MIOS: variants seen among roughly 807,000 people sequenced by gnomAD.
The protein encoded by MIOS is meiosis regulator for oocyte development.
MIOS carries 52 observed loss-of-function variants against 96.9 expected under a neutral mutation model. That is an observed-to-expected ratio of 0.54 (90% CI 0.43 to 0.68). The LOEUF is 0.68. MIOS is among the 30% of genes least tolerant of loss of function. The probability of loss-of-function intolerance (pLI) is 0.00; values close to 1 mark genes in which losing one functional copy is unlikely to be tolerated. For missense variants in MIOS, 1,005 were observed against 1,052.8 expected (o/e 0.95, Z 0.63); for synonymous variants, 397 against 359.5 (o/e 1.10, Z -1.18).
chr7:7,601,007 C>A (rs1487105250), intron 11 of MIOS, among the ~76,000 whole-genome samples: 2 of 152,152 alleles, frequency 1.3e-5, no homozygotes, highest in Non-Finnish European at 2.9e-5. Context: ...TAAAGATGTT[C>A]TTTGAAACCA....
chr7:7,596,067 G>T (rs950214983), intron 10 of MIOS, among the ~76,000 whole-genome samples, 190 bp from the exon 11 acceptor site: 10 of 152,088 alleles, frequency 6.6e-5, no homozygotes, highest in African/African-American at 2.4e-4. Flanking sequence ...TAAAAAGGAA[G>T]TACCCCAAAA....
intron 5 of MIOS, among the ~76,000 whole-genome samples, chr7:7,579,109 A>T (rs538064021): frequency 2.6e-5 from 4 of 152,190 alleles, no homozygotes; most frequent in Non-Finnish European, 5.9e-5. Context: ...CAAATTTAGG[A>T]GATAAAATTT....
Position 7,583,110 on chromosome 7 carries a change from G to GT in MIOS, c.1394-3dup, listed in dbSNP as rs768001355. 1.3e-6 allele frequency: 2 copies of GT among 1,597,600 alleles called. No individual in the cohort carries two copies. The highest frequency in any genetic ancestry group is 2.3e-5 in the South Asian group (2 of 88,152). ...ATAAAACAATATAAAAATGTTTTCT[G>GT]TTTTTAGGAATGGTGGAAAGCAGCA... On this transcript the variant is annotated splice_polypyrimidine_tract_variant and splice_region_variant and intron_variant, in intron 5 of 12. Coordinates refer to ENST00000340080, the MANE Select transcript of MIOS (RefSeq NM_019005.4).
chr7:7,596,329 G>A lies in MIOS; in HGVS notation c.2269G>A (p.Gly757Ser). ...TTCAGCTGTGCCTCATCAGGGCAGA[G>A]GTTTTAGTCAGTATGGTGTGAGTGG... ...SCSAVPHQGRGFSQYGVSGSP... is the reference protein window; with the variant it reads ...SCSAVPHQGRSFSQYGVSGSP... Residue 757 changes from glycine (G) to serine (S), a missense_variant, in exon 11 of 13, where the codon GGT (glycine) becomes AGT (serine). Physicochemically the swap from Gly to Ser is moderately conservative, Grantham distance 56 (BLOSUM62 0). Coordinates refer to ENST00000340080, the MANE Select transcript of MIOS (RefSeq NM_019005.4). 6.2e-7 allele frequency: 1 copy of A among 1,614,112 alleles called. No individual in the cohort carries two copies. The highest frequency in any genetic ancestry group is 8.5e-7 in the Non-Finnish European group (1 of 1,180,012).
At chr7:7,592,057 T>C (rs570473161) in intron 9 of MIOS, among the ~76,000 whole-genome samples, 3 of 152,124 alleles carry the variant, frequency 2.0e-5, no homozygotes, top group Non-Finnish European at 4.4e-5. Context: ...ATTGGCTCAC[T>C]GCAACCTCCA....
chr7:7,587,912 C>T lies in MIOS; in HGVS notation c.1819-586C>T, dbSNP rs114147899. Among the ~76,000 whole-genome samples, 1,349 of 152,198 alleles carry T rather than the reference C, an allele frequency of 8.9e-3. 28 individuals are homozygous for T. The highest frequency in any genetic ancestry group is 0.031 in the African/African-American group (1,288 of 41,520). The stretch of plus-strand genomic sequence containing the variant: ...TTTCAAAAGTGTTTCATGATATTGA[C>T]GAGTTTACAAAAATTTTAGTTATTA... On this transcript the variant is annotated intron_variant, in intron 7 of 12. Coordinates refer to ENST00000340080, the MANE Select transcript of MIOS (RefSeq NM_019005.4).
intron 6 of MIOS, 71 bp downstream of exon 6, chr7:7,583,443 A>T (rs1335327844): frequency 7.1e-7 from 1 of 1,416,892 alleles, no homozygotes; most frequent in Non-Finnish European, 9.3e-7. Flanking sequence ...TTTTAAAGAA[A>T]AGAGGCTAAT....
chr7:7,601,571 C>G (rs1285208629), intron 11 of MIOS, among the ~76,000 whole-genome samples: 1 of 152,136 alleles, frequency 6.6e-6, no homozygotes, highest in Admixed American at 6.5e-5. Context: ...GAAATTGAGG[C>G]AATCCTTAAT....
chr7:7,595,509 A>G (rs1784178749), intron 10 of MIOS, among the ~76,000 whole-genome samples: 1 of 152,208 alleles, frequency 6.6e-6, no homozygotes, highest in Admixed American at 6.5e-5. Flanking sequence ...ACCTATATCT[A>G]TATGTTTAAT....
chr7:7,577,625 G>C (rs1472550513), intron 5 of MIOS, among the ~76,000 whole-genome samples: 1 of 152,260 alleles, frequency 6.6e-6, no homozygotes, highest in African/African-American at 2.4e-5. Flanking sequence ...GGAGGGAATG[G>C]GATCCAGAGC....
chr7:7,569,247 C>T (rs1014735432), intron 3 of MIOS, among the ~76,000 whole-genome samples: 1 of 152,142 alleles, frequency 6.6e-6, no homozygotes, highest in Non-Finnish European at 1.5e-5. Flanking sequence ...GCCCCTCTTC[C>T]TCCTCATTCT....
intron 11 of MIOS, among the ~76,000 whole-genome samples, chr7:7,603,421 C>G (rs375091303): frequency 3.3e-5 from 5 of 152,134 alleles, no homozygotes; most frequent in East Asian, 1.9e-4. Flanking sequence ...AGACACTTCT[C>G]AAAAGAAGAC....
chr7:7,579,611 C>T (rs973307456), intron 5 of MIOS, among the ~76,000 whole-genome samples: 1 of 152,090 alleles, frequency 6.6e-6, no homozygotes, highest in Non-Finnish European at 1.5e-5. Context: ...TTGTCTTGGG[C>T]CACACATAAA....
chr7:7,600,256 A>G (rs1426969262), intron 11 of MIOS, among the ~76,000 whole-genome samples: 1 of 152,196 alleles, frequency 6.6e-6, no homozygotes, highest in African/African-American at 2.4e-5. Flanking sequence ...AACAGGATCT[A>G]ATAGAAATCA....
At position 7,598,936 on chromosome 7, in the gene MIOS, T is replaced by C. The variant is rs554232212; in HGVS notation, c.2401+2475T>C. Among the ~76,000 whole-genome samples the C allele has an allele frequency of 8.5e-5, 13 of 152,186 alleles. No homozygotes were observed. In the East Asian group the frequency reaches 2.5e-3, roughly 29 times the overall value. The stretch of plus-strand genomic sequence containing the variant: ...TTTCCATATTTGCTACAGAAATAAT[T>C]TCTTTATATATATAATACATATTTG... On this transcript the variant is annotated intron_variant, in intron 11 of 12. Coordinates refer to ENST00000340080, the MANE Select transcript of MIOS (RefSeq NM_019005.4).
At chr7:7,598,503 C>T (rs1784280230) in intron 11 of MIOS, among the ~76,000 whole-genome samples, 2 of 151,230 alleles carry the variant, frequency 1.3e-5, no homozygotes, top group South Asian at 4.1e-4. Context: ...TTATACATTA[C>T]ATACTGATCA....
At chr7:7,593,838 C>T (rs192344356) in intron 9 of MIOS, among the ~76,000 whole-genome samples, 7 of 142,748 alleles carry the variant, frequency 4.9e-5, no homozygotes, top group East Asian at 2.0e-4. Flanking sequence ...GAGATCGTGC[C>T]ACTGCGCTCC....
chr7:7,582,566 AT>A (rs1241652867), intron 5 of MIOS: 2 of 860,928 alleles, frequency 2.3e-6, no homozygotes, highest in Non-Finnish European at 2.8e-6. Flanking sequence ...ATATTTTAAA[AT>A]TATTACTTAC....
rs1784580822 is a variant in MIOS, at chr7:7,608,174, TC to T, written c.*1083del. The T allele has an allele frequency of 2.0e-5, 3 of 151,204 alleles. No individual in the cohort carries two copies. Among genetic ancestry groups the T allele is most frequent in the Admixed American group, 6.6e-5 (1 of 15,144 alleles). The allele number at this position is 151,204 out of a possible 1,614,324, so 9.4% of individuals were successfully genotyped here. On this transcript the variant is annotated 3_prime_UTR_variant, in exon 13 of 13. Transcript: ENST00000340080. ...GTACTTTATTTAAAACATTTTTTTT[TC>T]TCATTTCATAGCTAGATAGTTGTAA...
Sources: gnomAD v4.1 joint callset for allele counts (sites outside exome capture counted in the v4.1 genomes callset) on GRCh38, gnomAD v4.1.1 for gene constraint, MANE v1.5 for transcripts, NCBI Gene and HGNC (gene_info 2026-07-23, HGNC 2026-07-21) for gene names.